The following UNC13C variants were observed in gnomAD, a reference collection of about 807,000 sequenced individuals.
The protein encoded by UNC13C is unc-13 homolog C.
A neutral mutation model predicts 245.4 loss-of-function variants in UNC13C; 174 were observed. The observed-to-expected ratio is 0.71, with a 90% confidence interval of 0.63 to 0.80. The LOEUF (loss-of-function observed/expected upper bound fraction) is 0.80, where lower values mean the gene tolerates loss of function less well. Ranked by LOEUF, UNC13C falls within the 30% of genes least tolerant of loss-of-function variation. UNC13C has a pLI of 0.00. For synonymous variants in UNC13C, 992 were observed against 895.1 expected, an observed-to-expected ratio of 1.11 and a Z score of -1.93; for missense variants, 2,829 against 2,602.9, an observed-to-expected ratio of 1.09 and a Z score of -1.89.
chr15:54,539,531 G>T (rs1433955764), intron 26 of UNC13C, among the ~76,000 whole-genome samples: 1 of 151,974 alleles, frequency 6.6e-6, no homozygotes, highest in Admixed American at 6.6e-5. Flanking sequence ...GGACAACACA[G>T]AAATGGATCA....
chr15:53,986,598 C>G (rs987884875), intron 1 of UNC13C, among the ~76,000 whole-genome samples: 2 of 151,920 alleles, frequency 1.3e-5, no homozygotes, highest in Non-Finnish European at 2.9e-5. Context: ...TTATAAAACA[C>G]TAGATATGGT....
At chr15:54,525,989 A>AGGGAG (rs1895438698) in intron 25 of UNC13C, among the ~76,000 whole-genome samples, 1 of 152,164 alleles carries the variant, frequency 6.6e-6, no homozygotes, top group African/African-American at 2.4e-5. Context: ...GACTAAAGAC[A>AGGGAG]GGGAGGGAAG....
chr15:54,132,678 T>C (rs2031500057), intron 2 of UNC13C, among the ~76,000 whole-genome samples: 1 of 152,250 alleles, frequency 6.6e-6, no homozygotes, highest in Admixed American at 6.5e-5. Flanking sequence ...TTAATGATTT[T>C]TCTTTGCACT....
chr15:54,192,976 T>C lies in UNC13C; in HGVS notation c.3072-42054T>C, dbSNP rs373336226. On this transcript the variant is annotated intron_variant, in intron 4 of 32. Transcript: ENST00000260323. Reference sequence around the variant, plus strand: ...AAGAAGTGAGATTTATTTTTATTCATTTTTTAAATGGAAACTCAAGTAACT... The same window carrying C: ...AAGAAGTGAGATTTATTTTTATTCACTTTTTAAATGGAAACTCAAGTAACT... Among the ~76,000 whole-genome samples, 3 of 152,164 alleles carry C rather than the reference T, an allele frequency of 2.0e-5. No homozygotes were observed. In the East Asian group the frequency reaches 5.8e-4, roughly 29 times the overall value.
chr15:53,972,257 C>T, the UNC13C span, among the ~76,000 whole-genome samples: 5 of 152,312 alleles, frequency 3.3e-5, no homozygotes, highest in East Asian at 5.8e-4. Flanking sequence ...TTCTTTTTCC[C>T]TGGCCCTAAA....
At chr15:54,542,774 G>A (rs144672838) in intron 26 of UNC13C, among the ~76,000 whole-genome samples, 5 of 151,922 alleles carry the variant, frequency 3.3e-5, no homozygotes, top group South Asian at 4.2e-4. Context: ...TGTCTTTTTC[G>A]ATCTTTGTTG....
chr15:54,451,462 A>T (rs12914952), intron 19 of UNC13C, among the ~76,000 whole-genome samples: 86,607 of 151,704 alleles, frequency 0.57, 24,870 homozygotes, highest in East Asian at 0.79. Flanking sequence ...CTTTGTTTCA[A>T]CTCTTTTTAA....
At chr15:54,196,052 A>G (rs1243850219) in intron 4 of UNC13C, among the ~76,000 whole-genome samples, 1 of 152,086 alleles carries the variant, frequency 6.6e-6, no homozygotes, top group Non-Finnish European at 1.5e-5. Flanking sequence ...AGTTCCCTGT[A>G]GTCATCCAAG....
chr15:54,244,976 C>A (rs2035954468), intron 7 of UNC13C, among the ~76,000 whole-genome samples: 1 of 152,096 alleles, frequency 6.6e-6, no homozygotes, highest in African/African-American at 2.4e-5. Flanking sequence ...TGCCCAATTG[C>A]CCTAGCCGGA....
chr15:54,025,140 T>C (rs1896056340), intron 2 of UNC13C, among the ~76,000 whole-genome samples: 1 of 152,174 alleles, frequency 6.6e-6, no homozygotes, highest in South Asian at 2.1e-4. Flanking sequence ...TGTCACTTTA[T>C]TTAGAATAAG....
rs55925649 is a variant in UNC13C, at chr15:54,175,508, A to ATTTTTTTTTTTTTTTTTTTTTTTTT, written c.3071+31846_3071+31847insTTTTTTTTTTTTTTTTTTTTTTTTT. ...AAAACACTGTTGTTGTGGCCCTAGA[A>ATTTTTTTTTTTTTTTTTTTTTTTTT]TTTTTTTTTTTTTTTTTTTTTTGAG... On this transcript the variant is annotated intron_variant, in intron 4 of 32. Coordinates refer to ENST00000260323, the MANE Select transcript of UNC13C (RefSeq NM_001080534.3). Among the ~76,000 whole-genome samples, 15 of 105,982 alleles carry ATTTTTTTTTTTTTTTTTTTTTTTTT rather than the reference A, an allele frequency of 1.4e-4. No homozygotes were observed. In the East Asian group the frequency reaches 1.5e-3, roughly 11 times the overall value. The allele number at this position is 105,982 out of a possible 152,430, so 69.5% of individuals were successfully genotyped here.
chr15:53,989,276 A>C (rs1400505500), intron 1 of UNC13C, among the ~76,000 whole-genome samples: 4 of 151,994 alleles, frequency 2.6e-5, no homozygotes, highest in South Asian at 4.2e-4. Context: ...TGCAACCTCA[A>C]TTACAGTCCT....
chr15:54,045,323 T>C (rs543628101), intron 2 of UNC13C, among the ~76,000 whole-genome samples: 32 of 152,366 alleles, frequency 2.1e-4, no homozygotes, highest in Admixed American at 1.2e-3. Flanking sequence ...CTGTTCCCCA[T>C]TGAATTTGTT....
At chr15:54,480,257 ATTAT>A (rs1311324170) in intron 19 of UNC13C, among the ~76,000 whole-genome samples, 2 of 151,564 alleles carry the variant, frequency 1.3e-5, no homozygotes, top group African/African-American at 2.4e-5. Context: ...TGTGGTCTTT[ATTAT>A]TTATTTATTA....
intron 19 of UNC13C, among the ~76,000 whole-genome samples, chr15:54,455,028 C>T (rs1294567025): frequency 6.6e-6 from 1 of 151,198 alleles, no homozygotes; most frequent in Non-Finnish European, 1.5e-5. Context: ...CATAGCTTAC[C>T]TCCCACTTAT....
intron 4 of UNC13C, among the ~76,000 whole-genome samples, chr15:54,165,962 C>T (rs2033150462): frequency 6.6e-6 from 1 of 151,600 alleles, no homozygotes; most frequent in South Asian, 2.1e-4. Context: ...TATTTCTTGC[C>T]ATTTGCATTT....
intron 19 of UNC13C, among the ~76,000 whole-genome samples, chr15:54,440,443 T>A (rs1217037560): frequency 6.6e-6 from 1 of 152,032 alleles, no homozygotes; most frequent in Non-Finnish European, 1.5e-5. Flanking sequence ...TCACCTAACA[T>A]AATGACCTCC....
chr15:53,980,984 A>G (rs1449610352), intron 1 of UNC13C, among the ~76,000 whole-genome samples: 1 of 152,202 alleles, frequency 6.6e-6, no homozygotes, highest in Non-Finnish European at 1.5e-5. Flanking sequence ...CCTTTTAAAG[A>G]CAAAACACAC....
intron 29 of UNC13C, among the ~76,000 whole-genome samples, chr15:54,558,305 A>C (rs1897169522): frequency 6.6e-6 from 1 of 152,074 alleles, no homozygotes. Context: ...TTAAAAGTGA[A>C]GAGATTTCAG....
Sources: allele counts gnomAD v4.1 joint callset (sites outside exome capture counted in the v4.1 genomes callset), GRCh38; gene constraint gnomAD v4.1.1; transcripts MANE v1.5; gene names NCBI Gene and HGNC (gene_info 2026-07-23, HGNC 2026-07-21).